The following RTN1 variants were observed in gnomAD, a reference collection of about 807,000 sequenced individuals.
RTN1 encodes reticulon-1.
In RTN1, 25 loss-of-function variants were observed where a neutral mutation model predicts 65.5. The ratio of observed to expected loss-of-function variants is 0.38; its 90% CI spans 0.28 to 0.53. The LOEUF (loss-of-function observed/expected upper bound fraction) is 0.53, where lower values mean the gene tolerates loss of function less well. RTN1 is among the 20% of genes least tolerant of loss of function. The pLI is 0.79. For synonymous variants in RTN1, 471 were observed against 447.6 expected (o/e 1.05, Z -0.66); for missense variants, 983 against 1,025.4 (o/e 0.96, Z 0.57).
At chr14:59,606,489 G>T (rs936029163) in intron 4 of RTN1, among the ~76,000 whole-genome samples, 1 of 152,046 alleles carries the variant, frequency 6.6e-6, no homozygotes, top group Non-Finnish European at 1.5e-5. Flanking sequence ...AAGGGAGCTT[G>T]TTCACTCCGT....
At chr14:59,781,920 G>C (rs1203187530) in intron 1 of RTN1, among the ~76,000 whole-genome samples, 1 of 152,146 alleles carries the variant, frequency 6.6e-6, no homozygotes, top group African/African-American at 2.4e-5. Context: ...TGACCTGTAT[G>C]TTTGTGTGTC....
intron 1 of RTN1, among the ~76,000 whole-genome samples, chr14:59,813,004 C>T (rs1886756654): frequency 6.6e-6 from 1 of 152,142 alleles, no homozygotes; most frequent in Non-Finnish European, 1.5e-5. Flanking sequence ...CCTAAATATG[C>T]TGACTTCTCC....
At chr14:59,752,928 T>C (rs1885562105) in intron 1 of RTN1, among the ~76,000 whole-genome samples, 1 of 152,192 alleles carries the variant, frequency 6.6e-6, no homozygotes, top group Non-Finnish European at 1.5e-5. Context: ...CTGATCATGG[T>C]AGACACAGGC....
chr14:59,681,862 C>T (rs1175982195), intron 3 of RTN1, among the ~76,000 whole-genome samples: 1 of 152,140 alleles, frequency 6.6e-6, no homozygotes, highest in Non-Finnish European at 1.5e-5. Flanking sequence ...TTGATTTCTA[C>T]TTTCCAAATC....
intron 3 of RTN1, among the ~76,000 whole-genome samples, chr14:59,619,684 T>C (rs949824974): frequency 1.3e-5 from 2 of 151,948 alleles, no homozygotes; most frequent in African/African-American, 4.8e-5. Context: ...ACCTTTGGGA[T>C]TGAAAGGAAT....
At chr14:59,625,754 G>A (rs1288620698) in intron 3 of RTN1, among the ~76,000 whole-genome samples, 4 of 151,488 alleles carry the variant, frequency 2.6e-5, no homozygotes, top group Non-Finnish European at 5.9e-5. Flanking sequence ...CTCATTTTTA[G>A]AAAAAAATAA....
At chr14:59,802,966 G>T (rs1886573303) in intron 1 of RTN1, among the ~76,000 whole-genome samples, 1 of 151,766 alleles carries the variant, frequency 6.6e-6, no homozygotes, top group Admixed American at 6.6e-5. Flanking sequence ...AGAATTTACA[G>T]GTGACATTTA....
intron 2 of RTN1, among the ~76,000 whole-genome samples, chr14:59,736,128 G>A (rs781229343): frequency 2.0e-5 from 3 of 151,918 alleles, no homozygotes; most frequent in African/African-American, 4.8e-5. Context: ...ACAACTAAAA[G>A]AACTAGAGAA....
intron 3 of RTN1, among the ~76,000 whole-genome samples, chr14:59,612,507 T>C (rs777825787): frequency 1.3e-5 from 2 of 152,236 alleles, no homozygotes; most frequent in Non-Finnish European, 2.9e-5. Flanking sequence ...TTTGTGAAAC[T>C]AGTCTTAGGC....
intron 8 of RTN1, among the ~76,000 whole-genome samples, chr14:59,601,246 C>T (rs904500001): frequency 2.0e-5 from 3 of 152,146 alleles, no homozygotes; most frequent in African/African-American, 7.2e-5. Context: ...GCTTTATTAC[C>T]TCTTCCTCTT....
intron 1 of RTN1, among the ~76,000 whole-genome samples, chr14:59,749,840 T>G (rs1162191293): frequency 1.5e-4 from 17 of 115,344 alleles, no homozygotes; most frequent in African/African-American, 5.4e-4. Context: ...TCTATATGTA[T>G]ATTTATATAT....
chr14:59,721,351 G>C (rs957514675), intron 3 of RTN1, among the ~76,000 whole-genome samples: 9 of 152,234 alleles, frequency 5.9e-5, no homozygotes, highest in Non-Finnish European at 1.0e-4. Context: ...AACAGAAAGA[G>C]ATAGAAACAG....
chr14:59,691,858 GA>G (rs1883968747), intron 3 of RTN1, among the ~76,000 whole-genome samples: 1 of 152,058 alleles, frequency 6.6e-6, no homozygotes, highest in South Asian at 2.1e-4. Context: ...AATAGACACA[GA>G]AAAAGCTTTG....
intron 1 of RTN1, among the ~76,000 whole-genome samples, chr14:59,777,852 C>T (rs1289172498): frequency 6.7e-6 from 1 of 148,660 alleles, no homozygotes; most frequent in African/African-American, 2.5e-5. Flanking sequence ...ACAAAACACA[C>T]ACACACACAC....
chr14:59,869,715 CG>C (rs920275200), intron 1 of RTN1, among the ~76,000 whole-genome samples: 1 of 152,078 alleles, frequency 6.6e-6, no homozygotes, highest in African/African-American at 2.4e-5. Flanking sequence ...TGGGGCCATC[CG>C]GGCAGCGGCG....
intron 1 of RTN1, among the ~76,000 whole-genome samples, chr14:59,797,491 A>G (rs1233596417): frequency 1.3e-5 from 2 of 152,146 alleles, no homozygotes; most frequent in African/African-American, 2.4e-5. Context: ...TAGTTATTCA[A>G]AAGTCCATTG....
chr14:59,665,109 A>G (rs1202702614), intron 3 of RTN1, among the ~76,000 whole-genome samples: 2 of 152,012 alleles, frequency 1.3e-5, no homozygotes. Flanking sequence ...TAACATCTAT[A>G]TATCCTCTTT....
chr14:59,777,822 CAAAAAAA>C (rs34532344), intron 1 of RTN1, among the ~76,000 whole-genome samples: 1 of 147,298 alleles, frequency 6.8e-6, no homozygotes, highest in African/African-American at 2.5e-5. Flanking sequence ...ACAACAACAA[CAAAAAAA>C]AAAAACAAAA....
intron 3 of RTN1, chr14:59,630,566 C>G: frequency 6.2e-7 from 1 of 1,606,356 alleles, no homozygotes; most frequent in South Asian, 1.1e-5. Context: ...TGCACTCAAG[C>G]GTTGGTGCCC....
Sources: gnomAD v4.1 joint callset for allele counts (sites outside exome capture counted in the v4.1 genomes callset) on GRCh38, gnomAD v4.1.1 for gene constraint, MANE v1.5 for transcripts, NCBI Gene and HGNC (gene_info 2026-07-23, HGNC 2026-07-21) for gene names.